ING3: variants seen among roughly 807,000 people sequenced by gnomAD.
ING3 encodes the protein inhibitor of growth protein 3.
Under a neutral mutation model 64.8 loss-of-function variants are expected in ING3, and 6 were observed. The ratio of observed to expected loss-of-function variants is 0.09; its 90% CI spans 0.05 to 0.18. The LOEUF (loss-of-function observed/expected upper bound fraction) is 0.18, where lower values mean the gene tolerates loss of function less well. ING3 is among the 10% of genes least tolerant of loss of function. The pLI is 1.00. For synonymous variants in ING3, 170 were observed against 173.7 expected, an observed-to-expected ratio of 0.98 and a Z score of 0.17; for missense variants, 310 against 489.7, an observed-to-expected ratio of 0.63 and a Z score of 3.46.
At chr7:120,951,377 C>T in intron 2 of ING3, 142 bp downstream of exon 2, 2 of 754,768 alleles carry the variant, frequency 2.6e-6, no homozygotes, top group South Asian at 1.7e-5. Flanking sequence ...AAAGAACTGG[C>T]AGCCCTGAAT....
At chr7:120,952,013 A>T (rs2116644862) in intron 2 of ING3, among the ~76,000 whole-genome samples, 1 of 152,170 alleles carries the variant, frequency 6.6e-6, no homozygotes, top group East Asian at 1.9e-4. Flanking sequence ...ATGACCACAC[A>T]CCCACTTCTA....
chr7:120,974,453 C>T (rs1275977884), intron 11 of ING3, among the ~76,000 whole-genome samples: 2 of 152,100 alleles, frequency 1.3e-5, no homozygotes, highest in Non-Finnish European at 2.9e-5. Context: ...AAGCTGAAAA[C>T]TAGTGAATTT....
At chr7:120,966,921 G>T (rs1309411190) in intron 6 of ING3, among the ~76,000 whole-genome samples, 1 of 152,052 alleles carries the variant, frequency 6.6e-6, no homozygotes, top group African/African-American at 2.4e-5. Flanking sequence ...AGAATGTATA[G>T]TACTAATAGC....
chr7:120,968,423 G>T (rs922830053), intron 8 of ING3, among the ~76,000 whole-genome samples: 2 of 152,126 alleles, frequency 1.3e-5, no homozygotes. Context: ...GGCTTCCCCT[G>T]TAGCCTTGGA....
chr7:120,956,475 G>C, intron 4 of ING3: 1 of 1,101,414 alleles, frequency 9.1e-7, no homozygotes, highest in Non-Finnish European at 1.1e-6. Context: ...ACCACATATG[G>C]TGTGAATTGT....
chr7:120,973,370 G>A, intron 11 of ING3, 127 bp downstream of exon 11: 1 of 604,058 alleles, frequency 1.7e-6, no homozygotes, highest in Non-Finnish European at 3.0e-6. Context: ...GTTATATTAT[G>A]CTAATGCTAG....
intron 4 of ING3, chr7:120,956,044 A>G: frequency 1.4e-6 from 1 of 736,712 alleles, no homozygotes; most frequent in Non-Finnish European, 2.4e-6. Context: ...AAAATGAAGA[A>G]GAATCATTTG....
intron 4 of ING3, among the ~76,000 whole-genome samples, chr7:120,957,297 G>A (rs1290150206): frequency 5.9e-5 from 9 of 152,014 alleles, no homozygotes; most frequent in African/African-American, 2.2e-4. Flanking sequence ...GCGGGAACCC[G>A]GGAGGCGGAG....
In ING3 at chr7:120,950,798, T is replaced by A; in HGVS notation, c.-99T>A. ...TTTGCCGGAGTCGAGCGGGTGCTGC[T>A]AGCGGAGGCGCCATATTGGAGGGGA... On this transcript the variant is annotated 5_prime_UTR_variant, in exon 1 of 12. Coordinates refer to ENST00000315870, the MANE Select transcript of ING3 (RefSeq NM_019071.3). 1 of 768,158 alleles carries A rather than the reference T, an allele frequency of 1.3e-6. No homozygotes were observed. The highest frequency in any genetic ancestry group is 2.0e-6 in the Non-Finnish European group (1 of 503,680). The allele number at this position is 768,158 out of a possible 1,614,324, so 47.6% of individuals were successfully genotyped here. A position where few individuals can be genotyped will look rare whatever the true frequency, so the allele number is the denominator to read the frequency against.
chr7:120,966,910 G>A (rs946879118), intron 6 of ING3, among the ~76,000 whole-genome samples: 7 of 152,052 alleles, frequency 4.6e-5, no homozygotes, highest in African/African-American at 1.7e-4. Flanking sequence ...TGCGTAGAAG[G>A]AGAATGTATA....
At chr7:120,957,168 G>A (rs1403771606) in intron 4 of ING3, among the ~76,000 whole-genome samples, 2 of 151,948 alleles carry the variant, frequency 1.3e-5, no homozygotes, top group African/African-American at 2.4e-5. Flanking sequence ...TCAGGAGATC[G>A]CGACCATCCT....
intron 4 of ING3, among the ~76,000 whole-genome samples, chr7:120,959,972 T>C (rs1228182948): frequency 6.6e-6 from 1 of 152,062 alleles, no homozygotes; most frequent in African/African-American, 2.4e-5. Context: ...AAGACTATTT[T>C]AGATTTCGAT....
chr7:120,972,131 A>G (rs1193057493), intron 10 of ING3, among the ~76,000 whole-genome samples: 1 of 152,050 alleles, frequency 6.6e-6, no homozygotes, highest in Non-Finnish European at 1.5e-5. Context: ...TAAAATTTTA[A>G]TTTTATGTAG....
chr7:120,953,425 A>G (rs776534002), intron 3 of ING3, 21 bp downstream of exon 3: 1 of 1,421,182 alleles, frequency 7.0e-7, no homozygotes. Context: ...CACTTTGGAT[A>G]ATTTATCAAG....
intron 4 of ING3, among the ~76,000 whole-genome samples, chr7:120,961,607 A>T (rs1460817865): frequency 6.6e-6 from 1 of 152,222 alleles, no homozygotes. Flanking sequence ...CTATGCAAAT[A>T]TTATAGGATG....
chr7:120,950,804 A>C lies in ING3; in HGVS notation c.-93A>C. 2.0e-3 allele frequency: 877 copies of C among 430,176 alleles called. No individual in the cohort carries two copies. Among genetic ancestry groups the C allele is most frequent in the Non-Finnish European group, 3.1e-3 (801 of 258,542 alleles). 26.6% of individuals were successfully genotyped at this position (430,176 alleles called of 1,614,324 possible). On this transcript the variant is annotated 5_prime_UTR_variant, in exon 1 of 12. Coordinates refer to ENST00000315870, the MANE Select transcript of ING3 (RefSeq NM_019071.3). The stretch of plus-strand genomic sequence containing the variant: ...GGAGTCGAGCGGGTGCTGCTAGCGG[A>C]GGCGCCATATTGGAGGGGACAAAAC...
chr7:120,972,775 A>G (rs1796085070), intron 10 of ING3, among the ~76,000 whole-genome samples: 1 of 152,208 alleles, frequency 6.6e-6, no homozygotes, highest in Non-Finnish European at 1.5e-5. Context: ...AGCAAAAGAA[A>G]AATGAGAAAG....
chr7:120,951,387 T>C (rs1795762758), intron 2 of ING3, 152 bp downstream of exon 2: 1 of 707,966 alleles, frequency 1.4e-6, no homozygotes, highest in Admixed American at 2.6e-5. Flanking sequence ...CAGCCCTGAA[T>C]CTCGCCTTCC....
At chr7:120,956,392 A>G in intron 4 of ING3, 1 of 1,311,682 alleles carries the variant, frequency 7.6e-7, no homozygotes, top group Non-Finnish European at 9.8e-7. Context: ...TTTCCTGGGT[A>G]CAGATTTATT....
Sources: gnomAD v4.1 joint callset for allele counts (sites outside exome capture counted in the v4.1 genomes callset) on GRCh38, gnomAD v4.1.1 for gene constraint, MANE v1.5 for transcripts, NCBI Gene and HGNC (gene_info 2026-07-23, HGNC 2026-07-21) for gene names.